Variants in PDE4DIP observed in about 807,000 individuals in gnomAD.
PDE4DIP encodes phosphodiesterase 4D interacting protein.
A neutral mutation model predicts 221.4 loss-of-function variants in PDE4DIP; 59 were observed. That is an observed-to-expected ratio of 0.27 (90% CI 0.22 to 0.33). The LOEUF is 0.33. Among genes scored for constraint, PDE4DIP ranks in the 10% least tolerant of loss-of-function variants. The probability of loss-of-function intolerance (pLI) is 1.00; values close to 1 mark genes in which losing one functional copy is unlikely to be tolerated. For synonymous variants in PDE4DIP, 404 were observed against 815.9 expected (o/e 0.50, Z 8.60); for missense variants, 1,036 against 2,154.2 (o/e 0.48, Z 10.28).
intron 14 of PDE4DIP, among the ~76,000 whole-genome samples, chr1:148,969,867 C>T (rs1421292048): frequency 6.6e-6 from 1 of 151,984 alleles, no homozygotes; most frequent in Non-Finnish European, 1.5e-5. Context: ...CCACCATGCC[C>T]GCTAAGTTTT....
rs1345676819 is a variant in PDE4DIP at position 148,947,048 on chromosome 1, C to T, written c.636+9184C>T. Among the ~76,000 whole-genome samples, 5 of 152,302 alleles carry T rather than the reference C, an allele frequency of 3.3e-5. No individual in the cohort carries two copies. In the South Asian group the frequency reaches 8.3e-4, roughly 25 times the overall value. On this transcript the variant is annotated intron_variant, in intron 5 of 43. Coordinates refer to ENST00000369354, the Ensembl canonical transcript of PDE4DIP. ...TACCAGTCAATTGTTCTAACTGTAG[C>T]GTGCACCTTTTCTCCCTTTTAACTA...
At chr1:149,021,640 G>T (rs1401919797) in intron 37 of PDE4DIP, 1 of 151,098 alleles carries the variant, frequency 6.6e-6, no homozygotes, top group African/African-American at 2.4e-5. Flanking sequence ...AAGGTGAACT[G>T]GAATTTGAAG....
intron 1 of PDE4DIP, among the ~76,000 whole-genome samples, chr1:148,922,966 T>C (rs1359355302): frequency 7.6e-6 from 1 of 131,458 alleles, no homozygotes; most frequent in Non-Finnish European, 1.6e-5. Flanking sequence ...GAGATGGAGT[T>C]TCGCTCTGTC....
At chr1:148,922,673 C>T (rs2045701228) in intron 1 of PDE4DIP, among the ~76,000 whole-genome samples, 3 of 147,924 alleles carry the variant, frequency 2.0e-5, no homozygotes, top group Admixed American at 1.3e-4. Flanking sequence ...TTGCAAGCTC[C>T]GACTCCTGGG....
At chr1:148,933,593 T>C (rs1460617880) in intron 4 of PDE4DIP, among the ~76,000 whole-genome samples, 12 of 152,194 alleles carry the variant, frequency 7.9e-5, no homozygotes, top group Non-Finnish European at 1.0e-4. Context: ...ATTTAGCCTC[T>C]TAGGTGCATA....
chr1:148,979,795 A>C, exon 20 of PDE4DIP: 1 of 1,613,464 alleles, frequency 6.2e-7, no homozygotes. Flanking sequence ...GAGGCCTTAC[A>C]AGCAGAGAGA....
rs143461294 is a variant in PDE4DIP, at chr1:149,029,798, A to G, written c.6825A>G (p.Thr2275=). The G allele has an allele frequency of 3.9e-3, 6,185 of 1,567,796 alleles. 12 individuals are homozygous for G. The highest frequency in any genetic ancestry group is 5.6e-3 in the Middle Eastern group (24 of 4,296). ...TTCCTCTTATCCAGGGAGAATCAAC[A>G]GAAAGGGAACTTCTGGAACTGAGAA... is the stretch of plus-strand genomic sequence containing the variant. Residue 2275 remains threonine (T), a synonymous_variant, in exon 42 of 44, where the codon ACA becomes ACG. Transcript: ENST00000369354.
intron 3 of PDE4DIP, among the ~76,000 whole-genome samples, chr1:148,877,084 C>T (rs1553419714): frequency 6.8e-6 from 1 of 146,262 alleles, no homozygotes; most frequent in East Asian, 1.9e-4. Flanking sequence ...TATACCAATA[C>T]AATATTAGTA....
chr1:148,925,575 T>A (rs2046514486), intron 1 of PDE4DIP, among the ~76,000 whole-genome samples: 1 of 150,634 alleles, frequency 6.6e-6, no homozygotes, highest in African/African-American at 2.4e-5. Context: ...TAGAACGTAC[T>A]AATTTATGTC....
At chr1:149,012,809 G>A (rs1284023156) in intron 32 of PDE4DIP, 33 bp downstream of exon 35, 1 of 1,384,504 alleles carries the variant, frequency 7.2e-7, no homozygotes, top group African/African-American at 1.4e-5. Flanking sequence ...GCTTGCGATT[G>A]GCAGCCCCAC....
exon 44 of PDE4DIP, chr1:149,032,845 T>A (rs2152841360): frequency 4.8e-6 from 1 of 208,264 alleles, no homozygotes; most frequent in Admixed American, 5.9e-5. Context: ...TTCACAGTGC[T>A]GGTAGAATGT....
chr1:149,010,415 C>T (rs369614593), intron 30 of PDE4DIP, 28 bp from the exon 34 acceptor site: 96 of 1,608,594 alleles, frequency 6.0e-5, no homozygotes, highest in Middle Eastern at 1.7e-4. Context: ...GAACATCATA[C>T]GTTTTCTTTC....
intron 40 of PDE4DIP, 109 bp from the exon 44 acceptor site, chr1:149,028,451 C>A: frequency 1.2e-6 from 1 of 810,402 alleles, no homozygotes; most frequent in South Asian, 1.9e-5. Flanking sequence ...GTGAGGGCTT[C>A]ACAGGTTCAA....
chr1:148,844,090 TCC>T (rs1675740678), intron 1 of PDE4DIP, among the ~76,000 whole-genome samples: 1 of 50,856 alleles, frequency 2.0e-5, no homozygotes, highest in African/African-American at 5.3e-5. Context: ...TCCTAAACCT[TCC>T]TAGACTCCAT....
chr1:148,961,995 T>C (rs1553511457), intron 7 of PDE4DIP, 39 bp downstream of exon 10: 2 of 843,976 alleles, frequency 2.4e-6, no homozygotes, highest in South Asian at 2.7e-5. Flanking sequence ...GTGGAAACAA[T>C]TGGTCCCTTC....
chr1:149,032,062 C>T (rs782569329), exon 44 of PDE4DIP: 6 of 1,609,820 alleles, frequency 3.7e-6, no homozygotes, highest in South Asian at 3.3e-5. Context: ...GGGCCTGTCC[C>T]CCTTTTGTGC....
intron 20 of PDE4DIP, among the ~76,000 whole-genome samples, chr1:148,980,414 G>A (rs1553541598): frequency 6.6e-6 from 1 of 152,040 alleles, no homozygotes; most frequent in African/African-American, 2.4e-5. Flanking sequence ...AAAGAGTAAG[G>A]CTATAATGGG....
exon 19 of PDE4DIP, chr1:148,978,353 C>T (rs587663656): frequency 1.6e-5 from 26 of 1,611,784 alleles, no homozygotes; most frequent in South Asian, 9.9e-5. Context: ...CTTACTTCTT[C>T]GGGAAAAAGT....
intron 1 of PDE4DIP, among the ~76,000 whole-genome samples, chr1:148,920,020 G>A (rs1387063394): frequency 1.4e-5 from 2 of 143,686 alleles, no homozygotes; most frequent in South Asian, 2.2e-4. Flanking sequence ...GCCAAGAAAA[G>A]CACTTAGGTT....
Sources: gnomAD v4.1 joint callset for allele counts (sites outside exome capture counted in the v4.1 genomes callset) on GRCh38, gnomAD v4.1.1 for gene constraint, MANE v1.5 for transcripts, NCBI Gene and HGNC (gene_info 2026-07-23, HGNC 2026-07-21) for gene names.